The following QTGAL variants were observed in gnomAD, a reference collection of about 807,000 sequenced individuals.
The protein encoded by QTGAL is queuosine-tRNA galactosyltransferase, also known as BGnT-like protein 1.
At chr17:82,997,933 AT>A in the QTGAL span, among the ~76,000 whole-genome samples, 4 of 118,504 alleles carry the variant, frequency 3.4e-5, no homozygotes, top group African/African-American at 1.8e-4. Flanking sequence ...AAAAAAAAAT[AT>A]ATATATATAT....
At chr17:82,969,205 G>A in the QTGAL span, among the ~76,000 whole-genome samples, 2 of 151,872 alleles carry the variant, frequency 1.3e-5, no homozygotes, top group African/African-American at 4.8e-5. Flanking sequence ...TGTCGCCCAG[G>A]CTGGAGTGCA....
chr17:82,961,178 C>A, the QTGAL span: 2 of 1,606,388 alleles, frequency 1.2e-6, no homozygotes, highest in South Asian at 2.2e-5. Flanking sequence ...TCCTCCGGGA[C>A]GCCCTGCAGG....
At chr17:83,012,924 G>A in the QTGAL span, among the ~76,000 whole-genome samples, 14 of 150,778 alleles carry the variant, frequency 9.3e-5, no homozygotes, top group African/African-American at 2.0e-4. Flanking sequence ...CGGGCCCCCC[G>A]TCCCACCCGA....
chr17:82,972,834 G>T, the QTGAL span, among the ~76,000 whole-genome samples: 2 of 140,868 alleles, frequency 1.4e-5, no homozygotes, highest in African/African-American at 5.5e-5. Flanking sequence ...AGAAGGACCT[G>T]GTGCCGACCA....
chr17:83,044,377 G>GA, the QTGAL span, among the ~76,000 whole-genome samples: 1 of 152,104 alleles, frequency 6.6e-6, no homozygotes, highest in Non-Finnish European at 1.5e-5. Flanking sequence ...AGATAAAGGG[G>GA]AAAAAACTAT....
the QTGAL span, among the ~76,000 whole-genome samples, chr17:83,049,568 C>T: frequency 6.6e-6 from 1 of 151,860 alleles, no homozygotes; most frequent in African/African-American, 2.4e-5. Flanking sequence ...GCTGGCTGGT[C>T]ATGTTCTAGG....
the QTGAL span, among the ~76,000 whole-genome samples, chr17:83,004,765 A>G: frequency 3.9e-5 from 5 of 127,160 alleles, no homozygotes; most frequent in East Asian, 2.8e-4. Flanking sequence ...CACCCTCCGC[A>G]GTCCGCGTGT....
the QTGAL span, among the ~76,000 whole-genome samples, chr17:82,993,808 A>G: frequency 6.6e-6 from 1 of 152,102 alleles, no homozygotes; most frequent in Non-Finnish European, 1.5e-5. Context: ...GACTACTAAA[A>G]TATCTAGTTT....
the QTGAL span, among the ~76,000 whole-genome samples, chr17:82,973,315 T>G: frequency 2.6e-5 from 4 of 152,342 alleles, no homozygotes; most frequent in Admixed American, 2.6e-4. Flanking sequence ...TGTGGGTTTT[T>G]CAATTTCATG....
At chr17:82,999,205 G>C in the QTGAL span, among the ~76,000 whole-genome samples, 1 of 151,632 alleles carries the variant, frequency 6.6e-6, no homozygotes, top group African/African-American at 2.4e-5. Context: ...TATGTTCACT[G>C]TCATGCACAA....
At chr17:83,046,518 C>T in the QTGAL span, among the ~76,000 whole-genome samples, 1 of 152,194 alleles carries the variant, frequency 6.6e-6, no homozygotes, top group Admixed American at 6.5e-5. Flanking sequence ...AAATGGAAAC[C>T]ACAGTGAGAC....
At chr17:82,942,423 C>T in the QTGAL span, 1 of 1,613,948 alleles carries the variant, frequency 6.2e-7, no homozygotes, top group South Asian at 1.1e-5. Flanking sequence ...GCTGACCAGC[C>T]TGAGCTTGTC....
the QTGAL span, chr17:82,956,914 G>A: frequency 1.2e-5 from 13 of 1,075,806 alleles, no homozygotes; most frequent in Admixed American, 2.0e-5. This position sits in a 1 kb window ranked among gnomAD's most constrained non-coding sequence, Gnocchi z 5.7. Flanking sequence ...CACAGACTGC[G>A]GCAGGTGTTC....
chr17:82,982,937 G>T, the QTGAL span, among the ~76,000 whole-genome samples: 3 of 152,242 alleles, frequency 2.0e-5, no homozygotes, highest in East Asian at 5.8e-4. Context: ...TAGCAGCTGG[G>T]GGTGGAGGAG....
chr17:82,970,547 CCCGGCGTGGCCGCG>C, the QTGAL span, among the ~76,000 whole-genome samples: 2 of 137,246 alleles, frequency 1.5e-5, no homozygotes, highest in Admixed American at 8.1e-5. Flanking sequence ...GACCTCCGCA[CCCGGCGTGGCCGCG>C]ACCTCCGCAC....
chr17:83,049,349 C>T, the QTGAL span, among the ~76,000 whole-genome samples: 11 of 151,728 alleles, frequency 7.2e-5, no homozygotes, highest in African/African-American at 1.9e-4. Flanking sequence ...TGATCAGAAA[C>T]ATCATTTTGG....
the QTGAL span, chr17:82,948,111 C>T: frequency 0.098 from 14,952 of 152,212 alleles, 896 homozygotes; most frequent in South Asian, 0.24. Flanking sequence ...TCAGGAGAGA[C>T]GCAGCGTGCA....
the QTGAL span, among the ~76,000 whole-genome samples, chr17:83,011,922 G>A: frequency 6.6e-5 from 10 of 150,996 alleles, no homozygotes; most frequent in South Asian, 2.1e-4. Flanking sequence ...ATCCCAGCTC[G>A]TTTGAACACA....
the QTGAL span, among the ~76,000 whole-genome samples, chr17:82,962,854 G>C: frequency 1.3e-5 from 2 of 152,048 alleles, no homozygotes; most frequent in Admixed American, 1.3e-4. Context: ...AGCCGCTCCC[G>C]GGTGGTGCCT....
Sources: gnomAD v4.1 joint callset for allele counts (sites outside exome capture counted in the v4.1 genomes callset) on GRCh38, gnomAD v4.1.1 for gene constraint, Gnocchi (gnomAD v3.1) non-coding constraint, MANE v1.5 for transcripts, NCBI Gene and HGNC (gene_info 2026-07-23, HGNC 2026-07-21) for gene names.